MEF2D: variants seen among roughly 807,000 people sequenced by gnomAD.
The protein encoded by MEF2D is myocyte enhancer factor 2D, also known as myocyte-specific enhancer factor 2D.
MEF2D carries 10 observed loss-of-function variants against 59.3 expected under a neutral mutation model. The ratio of observed to expected loss-of-function variants is 0.17; its 90% CI spans 0.10 to 0.29. MEF2D has a LOEUF of 0.29. Ranked by LOEUF, MEF2D falls within the 10% of genes least tolerant of loss-of-function variation. MEF2D has a pLI of 1.00. For missense variants in MEF2D, 508 were observed against 699.4 expected (o/e 0.73, Z 3.09); for synonymous variants, 305 against 295.0 (o/e 1.03, Z -0.35).
chr1:156,468,451 A>G lies in MEF2D; in HGVS notation c.1248-152T>C. 1 of 629,006 alleles carries G rather than the reference A, an allele frequency of 1.6e-6. No individual in the cohort carries two copies. Among genetic ancestry groups the G allele is most frequent in the Non-Finnish European group, 2.7e-6 (1 of 369,258 alleles). 39.0% of individuals were successfully genotyped at this position (629,006 alleles called of 1,614,324 possible). A position where few individuals can be genotyped will look rare whatever the true frequency, so the allele number is the denominator to read the frequency against. On this transcript the variant is annotated intron_variant, in intron 10 of 11. Coordinates refer to ENST00000348159, the MANE Select transcript of MEF2D (RefSeq NM_005920.4). The surrounding 1 kb of genome is among the most constrained non-coding windows in gnomAD (Gnocchi z 4.3). ...GTTGGGGAGAGGCAATTGGATGGAGAGTGATCAGAAGAGGGTCGAATGAAG... is the reference window on the plus strand; with the variant it reads ...GTTGGGGAGAGGCAATTGGATGGAGGGTGATCAGAAGAGGGTCGAATGAAG...
chr1:156,492,041 G>T (rs371421449), intron 1 of MEF2D, among the ~76,000 whole-genome samples: 1 of 152,346 alleles, frequency 6.6e-6, no homozygotes. Flanking sequence ...ATGGGGAAGG[G>T]GTGTGAAATC....
intron 9 of MEF2D, among the ~76,000 whole-genome samples, chr1:156,470,503 C>T (rs968333511): frequency 3.3e-5 from 5 of 152,058 alleles, no homozygotes; most frequent in Non-Finnish European, 7.4e-5. Context: ...TGATAGGGAA[C>T]GCACCCCTCA....
rs1276921334 is a variant in MEF2D at position 156,467,256 on chromosome 1, G to C, written c.*389C>G. The C allele has an allele frequency of 1.3e-5, 2 of 151,578 alleles. No homozygotes were observed. Among genetic ancestry groups the C allele is most frequent in the African/African-American group, 4.9e-5 (2 of 41,002 alleles). 9.4% of individuals were successfully genotyped at this position (151,578 alleles called of 1,614,324 possible). On this transcript the variant is annotated 3_prime_UTR_variant, in exon 12 of 12. Coordinates refer to ENST00000348159, the MANE Select transcript of MEF2D (RefSeq NM_005920.4). ...TTATTTCCCTCTATCTGGGGGTGGGGTGGGAGGGCTCCACATGCAGGGCTC... is the reference window on the plus strand; with the variant it reads ...TTATTTCCCTCTATCTGGGGGTGGGCTGGGAGGGCTCCACATGCAGGGCTC...
intron 1 of MEF2D, among the ~76,000 whole-genome samples, chr1:156,490,216 T>C (rs949348139): frequency 1.3e-5 from 2 of 151,442 alleles, no homozygotes; most frequent in Admixed American, 1.3e-4. Context: ...CCCACGCCCC[T>C]ACTCCTGGGC....
Position 156,467,549 on chromosome 1 carries a change from T to TG in MEF2D, c.*95dup. 1 of 890,790 alleles carries TG rather than the reference T, an allele frequency of 1.1e-6. No homozygotes were observed. The highest frequency in any genetic ancestry group is 1.6e-6 in the Non-Finnish European group (1 of 637,432). The allele number at this position is 890,790 out of a possible 1,614,324, so 55.2% of individuals were successfully genotyped here. A position where few individuals can be genotyped will look rare whatever the true frequency, so the allele number is the denominator to read the frequency against. ...AGGACACGAAGCACAAGAAAGGAAG[T>TG]GGGGGTCGAGCGGGAGGAGCCCGGG... On this transcript the variant is annotated 3_prime_UTR_variant, in exon 12 of 12. Coordinates refer to ENST00000348159, the MANE Select transcript of MEF2D (RefSeq NM_005920.4).
intron 1 of MEF2D, among the ~76,000 whole-genome samples, chr1:156,483,843 G>A (rs1280123009): frequency 1.3e-5 from 2 of 152,188 alleles, no homozygotes; most frequent in South Asian, 2.1e-4. Flanking sequence ...ACGCTGAGAG[G>A]ACATCTGCCC....
chr1:156,478,829 C>T (rs1289628500), intron 6 of MEF2D, among the ~76,000 whole-genome samples: 1 of 152,216 alleles, frequency 6.6e-6, no homozygotes, highest in Non-Finnish European at 1.5e-5. Context: ...CATGCCCGGC[C>T]TCTTCTGTGG....
rs571432022 is a variant in MEF2D at position 156,494,317 on chromosome 1, C to G, written c.-139+6169G>C. ...TACTTGAAACTCAGGGATGGGCTCT[C>G]CCCGTATTCTTTGTTCTCTCAACCC... On this transcript the variant is annotated intron_variant, in intron 1 of 11. Coordinates refer to ENST00000348159, the MANE Select transcript of MEF2D (RefSeq NM_005920.4). Among the ~76,000 whole-genome samples the G allele has an allele frequency of 1.1e-4, 17 of 152,210 alleles. 1 individual carries two copies. Among genetic ancestry groups the G allele is most frequent in the African/African-American group, 4.1e-4 (17 of 41,534 alleles).
At chr1:156,490,280 G>A (rs1399922177) in intron 1 of MEF2D, among the ~76,000 whole-genome samples, 1 of 140,678 alleles carries the variant, frequency 7.1e-6, no homozygotes, top group African/African-American at 2.7e-5. Flanking sequence ...CTCTGTCCCC[G>A]CCCCCTCCCA....
At chr1:156,495,412 C>T (rs2102273534) in intron 1 of MEF2D, among the ~76,000 whole-genome samples, 1 of 152,240 alleles carries the variant, frequency 6.6e-6, no homozygotes, top group Non-Finnish European at 1.5e-5. Flanking sequence ...TCTTATATTC[C>T]CATGCTCAGT....
At chr1:156,495,254 C>A (rs1189446164) in intron 1 of MEF2D, among the ~76,000 whole-genome samples, 1 of 152,186 alleles carries the variant, frequency 6.6e-6, no homozygotes, top group Admixed American at 6.5e-5. Flanking sequence ...GGCCTCCTTT[C>A]CATTGCCCCG....
chr1:156,477,186 A>G lies in MEF2D; in HGVS notation c.681T>C (p.Ser227=), dbSNP rs1279936331. ...CPSPVGNGYV[S]ARASPGLLPV... ...GGAGGAGGCCAGGGGAAGCCCGAGC[A>G]CTGACGTAGCCATTCCCTGGAGAAG... The change falls in exon 7 of 12, where the codon AGT becomes AGC. Residue 227 remains serine (S), a synonymous_variant. Transcript: ENST00000348159. The G allele has an allele frequency of 8.7e-6, 14 of 1,608,144 alleles. No homozygotes were observed. Among genetic ancestry groups the G allele is most frequent in the Non-Finnish European group, 1.2e-5 (14 of 1,176,636 alleles).
chr1:156,479,223 T>A, intron 6 of MEF2D, 67 bp downstream of exon 6: 1 of 1,397,834 alleles, frequency 7.2e-7, no homozygotes, highest in East Asian at 2.4e-5. Flanking sequence ...TCCTGATCCT[T>A]GGACCCCCTG....
In MEF2D at chr1:156,475,208, C is replaced by T. The variant is rs1671488066; in HGVS notation, c.906G>A (p.Gln302=). The T allele has an allele frequency of 6.2e-7, 1 of 1,613,534 alleles. No homozygotes were observed. Among genetic ancestry groups the T allele is most frequent in the East Asian group, 2.2e-5 (1 of 44,864 alleles). The change falls in exon 9 of 12, where the codon CAG becomes CAA. Residue 302 remains glutamine, a synonymous_variant. Coordinates refer to ENST00000348159, the MANE Select transcript of MEF2D (RefSeq NM_005920.4). ...CTGGGGTGGTGAGCGAATGAGTAGA[C>T]TGGGAGACCCCAAGGCGCTGGGCAT... ...LNNAQRLGVS[Q]STHSLTTPVV... is the part of the protein sequence containing the mutation.
rs1191988596 is a variant in MEF2D at position 156,467,420 on chromosome 1, G to A, written c.*225C>T. Reference sequence around the variant, plus strand: ...GTGAAAATGGTGGGGGGTACAGAAAGAGGGGATGAGAGCATCCCCCTCTCC... The same window carrying A: ...GTGAAAATGGTGGGGGGTACAGAAAAAGGGGATGAGAGCATCCCCCTCTCC... On this transcript the variant is annotated 3_prime_UTR_variant, in exon 12 of 12. Transcript: ENST00000348159. 4.8e-6 allele frequency: 1 copy of A among 207,392 alleles called. No homozygotes were observed. The highest frequency in any genetic ancestry group is 2.4e-5 in the African/African-American group (1 of 42,542). The allele number at this position is 207,392 out of a possible 1,614,324, so 12.8% of individuals were successfully genotyped here.
rs974621107 is a variant in MEF2D, at chr1:156,466,360, C to T, written c.*1285G>A. On this transcript the variant is annotated 3_prime_UTR_variant, in exon 12 of 12. Coordinates refer to ENST00000348159, the MANE Select transcript of MEF2D (RefSeq NM_005920.4). ...AACGTTTTCCAAAGGTCGCTATTTA[C>T]AATTACAGTAGCCAAGAGGGAAGGT... is the stretch of plus-strand genomic sequence containing the variant. 6.5e-6 allele frequency: 1 copy of T among 152,728 alleles called. No individual in the cohort carries two copies. The highest frequency in any genetic ancestry group is 1.9e-4 in the East Asian group (1 of 5,200). 9.5% of individuals were successfully genotyped at this position (152,728 alleles called of 1,614,324 possible).
Position 156,479,709 on chromosome 1 carries a change from A to G in MEF2D, c.484T>C (p.Ser162Pro), listed in dbSNP as rs1671859574. ...GTCACCAGGGAAGGGGTGACCAGGGAGCCGCTGGGATTGCTGAACTGCAGT... is the reference window on the plus strand; with the variant it reads ...GTCACCAGGGAAGGGGTGACCAGGGGGCCGCTGGGATTGCTGAACTGCAGT... ...SSLQFSNPSG[S>P]LVTPSLVTSS... Residue 162 changes from serine to proline, a missense_variant, in exon 5 of 12, where the codon TCC becomes CCC. This residue lies in a region of MEF2D where 481 missense variants were observed against 584.7 expected (regional missense o/e 0.82). Coordinates refer to ENST00000348159, the MANE Select transcript of MEF2D (RefSeq NM_005920.4). 1.9e-6 allele frequency: 3 copies of G among 1,551,612 alleles called. No individual in the cohort carries two copies. Among genetic ancestry groups the G allele is most frequent in the Non-Finnish European group, 2.6e-6 (3 of 1,146,984 alleles).
chr1:156,468,980 G>GCCT lies in MEF2D; in HGVS notation c.1046_1047insAGG (p.Ala349_Phe350insGly). On this transcript the variant is annotated inframe_insertion, in exon 10 of 12. Coordinates refer to ENST00000348159, the MANE Select transcript of MEF2D (RefSeq NM_005920.4). The surrounding 1 kb of genome is among the most constrained non-coding windows in gnomAD (Gnocchi z 4.3). ...GCGACAGCCCCCCAGGTGAACTAAA[G>GCCT]GCTGGTAAGGAGGAGAGCTCTGCAC... 6.2e-7 allele frequency: 1 copy of GCCT among 1,612,922 alleles called. No individual in the cohort carries two copies. Among genetic ancestry groups the GCCT allele is most frequent in the Non-Finnish European group, 8.5e-7 (1 of 1,179,022 alleles).
intron 2 of MEF2D, among the ~76,000 whole-genome samples, chr1:156,483,030 G>A (rs1399520714): frequency 6.6e-6 from 1 of 152,180 alleles, no homozygotes; most frequent in Non-Finnish European, 1.5e-5. Context: ...TCTAGCTGTG[G>A]CAGCAGAAGA....
Sources: gnomAD v4.1 joint callset for allele counts (sites outside exome capture counted in the v4.1 genomes callset) on GRCh38, gnomAD v4.1.1 for gene constraint, gnomAD v4.1.1 regional missense constraint, Gnocchi (gnomAD v3.1) non-coding constraint, MANE v1.5 for transcripts, NCBI Gene and HGNC (gene_info 2026-07-23, HGNC 2026-07-21) for gene names.